PHACTR1: variants seen among roughly 807,000 people sequenced by gnomAD.
PHACTR1 encodes phosphatase and actin regulator 1.
Under a neutral mutation model 69.2 loss-of-function variants are expected in PHACTR1, and 16 were observed. The observed-to-expected ratio is 0.23, with a 90% confidence interval of 0.16 to 0.35. The LOEUF (loss-of-function observed/expected upper bound fraction) is 0.35. Ranked by LOEUF, PHACTR1 falls within the 10% of genes least tolerant of loss-of-function variation. The pLI, the probability that PHACTR1 is intolerant of heterozygous loss-of-function variation, is 1.00. For missense variants in PHACTR1, 510 were observed against 734.7 expected (o/e 0.69, Z 3.54); for synonymous variants, 312 against 284.5 (o/e 1.10, Z -0.97).
intron 4 of PHACTR1, among the ~76,000 whole-genome samples, chr6:12,815,146 C>T (rs922562790): frequency 2.6e-5 from 4 of 152,226 alleles, no homozygotes; most frequent in Admixed American, 1.3e-4. Flanking sequence ...GGCCACCACA[C>T]TGTTTGCAGT....
intron 5 of PHACTR1, among the ~76,000 whole-genome samples, chr6:13,105,203 C>A (rs1315968891): frequency 1.3e-5 from 2 of 152,008 alleles, no homozygotes; most frequent in Admixed American, 1.3e-4. Context: ...CACAGGGAGA[C>A]CTTGTCTCTA....
chr6:12,921,639 GAGGGAGGGAAGAAGGA>G (rs1297630684), intron 4 of PHACTR1, among the ~76,000 whole-genome samples: 4 of 113,436 alleles, frequency 3.5e-5, no homozygotes, highest in African/African-American at 1.3e-4. Flanking sequence ...GAGAGGGAGG[GAGGGAGGGAAGAAGGA>G]AGGGAGGGAG....
At chr6:13,079,599 A>G (rs1010236349) in intron 5 of PHACTR1, among the ~76,000 whole-genome samples, 1 of 152,142 alleles carries the variant, frequency 6.6e-6, no homozygotes, top group Non-Finnish European at 1.5e-5. Flanking sequence ...CCACTGCTGC[A>G]TCCAGCAGTA....
chr6:13,274,206 C>G (rs1050548626), intron 11 of PHACTR1: 1 of 152,334 alleles, frequency 6.6e-6, no homozygotes, highest in South Asian at 2.1e-4. Context: ...CCGCCACTTC[C>G]TCAACTCTCA....
intron 4 of PHACTR1, among the ~76,000 whole-genome samples, chr6:13,026,881 T>C (rs1801770014): frequency 6.6e-6 from 1 of 151,928 alleles, no homozygotes; most frequent in Non-Finnish European, 1.5e-5. Flanking sequence ...GACACCAGAG[T>C]ACCTTGCTGA....
At chr6:13,012,633 C>T (rs969183955) in intron 4 of PHACTR1, among the ~76,000 whole-genome samples, 3 of 152,182 alleles carry the variant, frequency 2.0e-5, no homozygotes, top group Non-Finnish European at 2.9e-5. Context: ...CTCCTGGACC[C>T]TGCACTGACC....
chr6:13,228,358 TCTC>T (rs1770165411), intron 9 of PHACTR1, among the ~76,000 whole-genome samples: 1 of 152,140 alleles, frequency 6.6e-6, no homozygotes, highest in African/African-American at 2.4e-5. Context: ...GGATGCAACT[TCTC>T]CCCCACCCAA....
At chr6:12,893,150 A>G (rs1042683678) in intron 4 of PHACTR1, among the ~76,000 whole-genome samples, 1 of 152,192 alleles carries the variant, frequency 6.6e-6, no homozygotes, top group Non-Finnish European at 1.5e-5. Flanking sequence ...CTTTACAAAC[A>G]TGACTCTCTG....
intron 4 of PHACTR1, among the ~76,000 whole-genome samples, chr6:12,830,125 G>GAAAGAAAGAAAGAAAGAAAGAAAGAAAGA (rs1561923829): frequency 4.9e-4 from 62 of 126,728 alleles, no homozygotes; most frequent in African/African-American, 8.6e-4. Context: ...AAGAAAGAAA[G>GAAAGAAAGAAAGAAAGAAAGAAAGAAAGA]AAAGAAAGAA....
chr6:12,963,515 G>C (rs1306637321), intron 4 of PHACTR1, among the ~76,000 whole-genome samples: 1 of 151,544 alleles, frequency 6.6e-6, no homozygotes, highest in Admixed American at 6.6e-5. Context: ...GAACAAAGGA[G>C]CACACATTTA....
intron 4 of PHACTR1, among the ~76,000 whole-genome samples, chr6:13,044,725 C>T (rs753801411): frequency 6.6e-6 from 1 of 152,140 alleles, no homozygotes; most frequent in African/African-American, 2.4e-5. Context: ...CCCACATCCT[C>T]CTAGTTTCGT....
At chr6:13,145,825 A>T (rs921212890) in intron 5 of PHACTR1, among the ~76,000 whole-genome samples, 7 of 152,214 alleles carry the variant, frequency 4.6e-5, no homozygotes, top group African/African-American at 1.4e-4. Context: ...CTGTGAGAAA[A>T]CAAATTCCTG....
intron 4 of PHACTR1, among the ~76,000 whole-genome samples, chr6:12,920,248 T>C (rs1365186839): frequency 6.6e-6 from 1 of 152,224 alleles, no homozygotes; most frequent in Non-Finnish European, 1.5e-5. Context: ...GCCTCCAATT[T>C]ACCTGACAAT....
chr6:12,737,882 G>A (rs1202930129), intron 3 of PHACTR1, among the ~76,000 whole-genome samples: 1 of 152,150 alleles, frequency 6.6e-6, no homozygotes. Flanking sequence ...ACCATGCCTG[G>A]CCCATTTCTT....
At chr6:12,955,064 A>G (rs1026605916) in intron 4 of PHACTR1, among the ~76,000 whole-genome samples, 5 of 152,186 alleles carry the variant, frequency 3.3e-5, no homozygotes, top group African/African-American at 9.7e-5. Flanking sequence ...TATTGATTAC[A>G]TATTGAAATA....
At chr6:12,924,551 G>T (rs952415894) in intron 4 of PHACTR1, among the ~76,000 whole-genome samples, 5 of 152,198 alleles carry the variant, frequency 3.3e-5, no homozygotes, top group Admixed American at 3.3e-4. Flanking sequence ...GAGGTGGGTG[G>T]ATCACAAGGT....
intron 3 of PHACTR1, among the ~76,000 whole-genome samples, chr6:12,740,159 C>T (rs577447870): frequency 2.4e-4 from 36 of 152,014 alleles, no homozygotes; most frequent in Non-Finnish European, 4.3e-4. Flanking sequence ...CTGCATGTAG[C>T]AGTAGTTTTT....
chr6:12,961,847 C>A (rs1027563351), intron 4 of PHACTR1, among the ~76,000 whole-genome samples: 14 of 152,122 alleles, frequency 9.2e-5, no homozygotes, highest in Admixed American at 3.9e-4. Context: ...TTGTAGATGG[C>A]CACGTTCTCA....
intron 5 of PHACTR1, among the ~76,000 whole-genome samples, chr6:13,073,925 T>G (rs1583239209): frequency 6.7e-6 from 1 of 149,260 alleles, no homozygotes; most frequent in African/African-American, 2.5e-5. Flanking sequence ...CAGGCTAGAG[T>G]GAAGTGGTGC....
Sources: gnomAD v4.1 joint callset for allele counts (sites outside exome capture counted in the v4.1 genomes callset) on GRCh38, gnomAD v4.1.1 for gene constraint, MANE v1.5 for transcripts, NCBI Gene and HGNC (gene_info 2026-07-23, HGNC 2026-07-21) for gene names.